Variants in SDK1 observed in about 807,000 individuals in gnomAD.
SDK1 encodes the protein sidekick cell adhesion molecule 1.
A neutral mutation model predicts 245.5 loss-of-function variants in SDK1; 157 were observed. That is an observed-to-expected ratio of 0.64 (90% CI 0.56 to 0.73). The LOEUF is 0.73. Ranked by LOEUF, SDK1 falls within the 30% of genes least tolerant of loss-of-function variation. The probability of loss-of-function intolerance (pLI) is 0.00; values close to 1 mark genes in which losing one functional copy is unlikely to be tolerated. For missense variants in SDK1, 3,583 were observed against 3,002.3 expected (o/e 1.19, Z -4.52); for synonymous variants, 1,647 against 1,278.5 (o/e 1.29, Z -6.15).
At chr7:4,250,536 G>C (rs1318575462) in intron 44 of SDK1, among the ~76,000 whole-genome samples, 3 of 152,054 alleles carry the variant, frequency 2.0e-5, no homozygotes, top group East Asian at 1.9e-4. Context: ...TTAGAGACAG[G>C]GTTTTGCCAT....
At chr7:3,444,254 A>G (rs946964475) in intron 1 of SDK1, among the ~76,000 whole-genome samples, 2 of 152,082 alleles carry the variant, frequency 1.3e-5, no homozygotes, top group Admixed American at 6.5e-5. Context: ...GTCTTACAGT[A>G]TTTATGTCTG....
At chr7:3,891,780 T>C (rs1781466270) in intron 5 of SDK1, among the ~76,000 whole-genome samples, 1 of 152,234 alleles carries the variant, frequency 6.6e-6, no homozygotes, top group Non-Finnish European at 1.5e-5. Context: ...TCTTTACCCG[T>C]AGGCTGTGCT....
chr7:3,752,267 A>G (rs1021353656), intron 4 of SDK1, among the ~76,000 whole-genome samples: 2 of 152,158 alleles, frequency 1.3e-5, no homozygotes, highest in Admixed American at 6.6e-5. Flanking sequence ...TTGTATCTTA[A>G]TGCATGTTTA....
Position 3,409,268 on chromosome 7 carries a change from A to G in SDK1, c.298+107384A>G, listed in dbSNP as rs577196898. On this transcript the variant is annotated intron_variant, in intron 1 of 44. Transcript: ENST00000404826. ...TCCTTAATCGCCTCCCCTTTCCCTT[A>G]TGATGGTCTGTTTTAAGATTCTATT... 4.8e-5 allele frequency among the ~76,000 whole-genome samples: 7 copies of G among 146,338 alleles called. 2 individuals carry two copies. Among genetic ancestry groups the G allele is most frequent in the African/African-American group, 1.5e-4 (6 of 39,876 alleles).
At chr7:3,827,031 C>G (rs60438481) in intron 5 of SDK1, among the ~76,000 whole-genome samples, 21,617 of 152,148 alleles carry the variant, frequency 0.14, 1,659 homozygotes, top group Middle Eastern at 0.31. Context: ...ATCCCCATCT[C>G]TTTCCATCCC....
At chr7:4,208,910 G>A (rs1042800341) in intron 37 of SDK1, among the ~76,000 whole-genome samples, 1 of 152,250 alleles carries the variant, frequency 6.6e-6, no homozygotes, top group Non-Finnish European at 1.5e-5. Flanking sequence ...GGAGGATGCT[G>A]TGAAGCTGCT....
chr7:4,174,306 A>G lies in SDK1; in HGVS notation c.4885A>G (p.Thr1629Ala), dbSNP rs761739082. 1 of 1,613,956 alleles carries G rather than the reference A, an allele frequency of 6.2e-7. No homozygotes were observed. The highest frequency in any genetic ancestry group is 8.5e-7 in the Non-Finnish European group (1 of 1,179,820). Reference protein sequence around the residue: ...RELEYEAGSGTEAKTLKNPIA... With the variant: ...RELEYEAGSGAEAKTLKNPIA... ...GCTGGAGTATGAAGCCGGGTCAGGC[A>G]CTGAGGCCAAGACGCTCAAAAACCC... Residue 1629 changes from threonine (T) to alanine (A), a missense_variant, in exon 33 of 45, where the codon ACT (threonine) becomes GCT (alanine). Coordinates refer to ENST00000404826, the MANE Select transcript of SDK1 (RefSeq NM_152744.4).
rs374506979 is a variant in SDK1 at position 3,965,772 on chromosome 7, G to GC, written c.1430-1544dup. ...AGGTGCGGTGGCATATTGAGCCGGG[G>GC]CCTCCCCCAGACAGTGTGGCTGCCG... On this transcript the variant is annotated intron_variant, in intron 9 of 44. Coordinates refer to ENST00000404826, the MANE Select transcript of SDK1 (RefSeq NM_152744.4). Among the ~76,000 whole-genome samples, 346 of 151,606 alleles carry GC rather than the reference G, an allele frequency of 2.3e-3. 2 individuals are homozygous for GC. Among genetic ancestry groups the GC allele is most frequent in the African/African-American group, 8.0e-3 (332 of 41,326 alleles).
chr7:3,948,226 T>C (rs996178038), intron 5 of SDK1, among the ~76,000 whole-genome samples: 1 of 149,678 alleles, frequency 6.7e-6, no homozygotes, highest in Non-Finnish European at 1.5e-5. Context: ...ACCTTGCAGG[T>C]GACCTTGTGT....
chr7:3,910,757 T>C (rs1014028649), intron 5 of SDK1, among the ~76,000 whole-genome samples: 2 of 152,252 alleles, frequency 1.3e-5, no homozygotes, highest in African/African-American at 4.8e-5. Context: ...TTCTTGGGCC[T>C]TTCTGCCTGA....
chr7:3,987,714 C>T (rs1213989808), intron 14 of SDK1, among the ~76,000 whole-genome samples: 1 of 151,558 alleles, frequency 6.6e-6, no homozygotes, highest in African/African-American at 2.4e-5. Flanking sequence ...CCGGTGTAGA[C>T]GTGGTGTCAA....
intron 4 of SDK1, among the ~76,000 whole-genome samples, chr7:3,668,250 C>T (rs1182531714): frequency 6.6e-6 from 1 of 152,096 alleles, no homozygotes; most frequent in Admixed American, 6.5e-5. Flanking sequence ...ATCTTTGCTC[C>T]ACCTGGTGTC....
At chr7:4,004,913 A>G (rs1302991589) in intron 14 of SDK1, among the ~76,000 whole-genome samples, 1 of 151,858 alleles carries the variant, frequency 6.6e-6, no homozygotes, top group Non-Finnish European at 1.5e-5. Context: ...CTGTGTCTTC[A>G]TCCACAAAAC....
intron 4 of SDK1, among the ~76,000 whole-genome samples, chr7:3,724,344 A>G (rs1363887307): frequency 6.6e-6 from 1 of 151,980 alleles, no homozygotes; most frequent in Non-Finnish European, 1.5e-5. Flanking sequence ...AGACTGAGGC[A>G]GGAGGATTGC....
At chr7:3,987,511 G>A (rs1191188026) in intron 14 of SDK1, among the ~76,000 whole-genome samples, 189 bp downstream of exon 14, 2 of 152,112 alleles carry the variant, frequency 1.3e-5, no homozygotes, top group Non-Finnish European at 2.9e-5. Context: ...GAGAGGGAAG[G>A]GAAGAAGTCC....
At chr7:3,892,052 T>A (rs1341121279) in intron 5 of SDK1, among the ~76,000 whole-genome samples, 1 of 152,182 alleles carries the variant, frequency 6.6e-6, no homozygotes, top group Non-Finnish European at 1.5e-5. Flanking sequence ...TCTTTTTCTT[T>A]TTTTGCCGGG....
chr7:3,786,320 C>T (rs988854452), intron 4 of SDK1, among the ~76,000 whole-genome samples: 2 of 152,176 alleles, frequency 1.3e-5, no homozygotes, highest in East Asian at 3.9e-4. Flanking sequence ...ACACAGCTTT[C>T]TAGTGAATCC....
At chr7:3,418,145 G>GCAAAAAAAAAAAAAAAAAAAAAA (rs1292199670) in intron 1 of SDK1, among the ~76,000 whole-genome samples, 9 of 119,722 alleles carry the variant, frequency 7.5e-5, no homozygotes, top group African/African-American at 3.1e-4. Flanking sequence ...TACTAAAAAT[G>GCAAAAAAAAAAAAAAAAAAAAAA]AAAAAAAAAA....
chr7:3,387,377 T>G (rs562870677), intron 1 of SDK1, among the ~76,000 whole-genome samples: 2 of 152,290 alleles, frequency 1.3e-5, no homozygotes, highest in East Asian at 3.9e-4. Flanking sequence ...TCCCACCTCC[T>G]TGTAGGAGCT....
Sources: allele counts gnomAD v4.1 joint callset (sites outside exome capture counted in the v4.1 genomes callset), GRCh38; gene constraint gnomAD v4.1.1; transcripts MANE v1.5; gene names NCBI Gene and HGNC (gene_info 2026-07-23, HGNC 2026-07-21).